NIPBL: variants seen among roughly 807,000 people sequenced by gnomAD.
NIPBL encodes nipped-B-like protein.
Under a neutral mutation model 321.8 loss-of-function variants are expected in NIPBL, and 19 were observed. The observed-to-expected ratio is 0.06, with a 90% CI of 0.04 to 0.09. The LOEUF (loss-of-function observed/expected upper bound fraction) is 0.09, where lower values mean the gene tolerates loss of function less well. Among genes scored for constraint, NIPBL ranks in the 10% least tolerant of loss-of-function variants. The probability of loss-of-function intolerance (pLI) is 1.00; values close to 1 mark genes in which losing one functional copy is unlikely to be tolerated. For missense variants in NIPBL, 2,210 were observed against 3,327.0 expected, an observed-to-expected ratio of 0.66 and a Z score of 8.26; for synonymous variants, 1,106 against 1,114.1, an observed-to-expected ratio of 0.99 and a Z score of 0.14.
chr5:36,933,669 T>G (rs1407322761), intron 1 of NIPBL, among the ~76,000 whole-genome samples: 16 of 152,148 alleles, frequency 1.1e-4, no homozygotes, highest in Admixed American at 1.0e-3. Context: ...CTGTATGGTT[T>G]CAGACACCAG....
At chr5:37,022,017 A>G in intron 27 of NIPBL, 34 bp from the exon 28 acceptor site, 1 of 1,550,770 alleles carries the variant, frequency 6.4e-7, no homozygotes, top group Non-Finnish European at 8.9e-7. Flanking sequence ...TATGTATTCT[A>G]AAATTTACAA....
Position 37,042,290 on chromosome 5 carries a change from C to T in NIPBL, c.6109-2057C>T, listed in dbSNP as rs1194390245. On this transcript the variant is annotated intron_variant, in intron 34 of 46. Coordinates refer to ENST00000282516, the MANE Select transcript of NIPBL (RefSeq NM_133433.4). The stretch of plus-strand genomic sequence containing the variant: ...TCTCTACTAAAAATACAAAAATTAG[C>T]CAAGCATGGTGGTGCGCACCTATAG... Among the ~76,000 whole-genome samples the T allele has an allele frequency of 2.6e-5, 4 of 151,144 alleles. No individual in the cohort carries two copies. The East Asian group carries it at 7.9e-4, about 30-fold the overall frequency.
chr5:36,908,936 AGC>A (rs1747845960), intron 1 of NIPBL, among the ~76,000 whole-genome samples: 1 of 152,236 alleles, frequency 6.6e-6, no homozygotes, highest in African/African-American at 2.4e-5. Context: ...TACTTTACAG[AGC>A]TATTATTTTA....
At position 37,014,772 on chromosome 5, in the gene NIPBL, A is replaced by T; in HGVS notation, c.4643+7A>T. The T allele has an allele frequency of 6.6e-7, 1 of 1,522,866 alleles. No individual in the cohort carries two copies. The highest frequency in any genetic ancestry group is 9.1e-7 in the Non-Finnish European group (1 of 1,096,910). 94.3% of individuals were successfully genotyped at this position (1,522,866 alleles called of 1,614,324 possible). ...TCTCCATCTTCCTTAAAAAGTGAGT[A>T]AAATTAATATAAATCTGGTTTTTCT... On this transcript the variant is annotated splice_region_variant and intron_variant, in intron 22 of 46. Coordinates refer to ENST00000282516, the MANE Select transcript of NIPBL (RefSeq NM_133433.4).
intron 34 of NIPBL, 113 bp downstream of exon 34, chr5:37,038,851 CT>C: frequency 9.5e-7 from 1 of 1,057,422 alleles, no homozygotes; most frequent in Non-Finnish European, 1.4e-6. Flanking sequence ...GTGTCATTTA[CT>C]TAGATATATG....
intron 1 of NIPBL, among the ~76,000 whole-genome samples, chr5:36,907,403 C>T (rs1477584181): frequency 6.6e-6 from 1 of 151,298 alleles, no homozygotes; most frequent in Non-Finnish European, 1.5e-5. Context: ...TTCAGATAAG[C>T]AAAAAGAAGA....
At chr5:37,042,235 G>GACCA (rs1479488255) in intron 34 of NIPBL, among the ~76,000 whole-genome samples, 1 of 151,562 alleles carries the variant, frequency 6.6e-6, no homozygotes, top group Non-Finnish European at 1.5e-5. Flanking sequence ...AGGAGTTCAA[G>GACCA]ACCAGCCTGG....
Position 37,027,363 on chromosome 5 carries a change from C to A in NIPBL, c.5813C>A (p.Ala1938Glu). 3 of 1,610,332 alleles carry A rather than the reference C, an allele frequency of 1.9e-6. No homozygotes were observed. The highest frequency in any genetic ancestry group is 1.7e-6 in the Non-Finnish European group (2 of 1,176,736). ...RKILNITDVV[A>E]ACRDTGYDWF... ...GATTCTTTTCATCACCCTTAGGTTG[C>A]AGCATGCAGAGATACTGGATATGAC... The change falls in exon 32 of 47, where the codon GCA (alanine) becomes GAA (glutamate). Residue 1938 changes from alanine to glutamate, a missense_variant. Physicochemically the swap from Ala to Glu is moderately radical, Grantham distance 107. Around this residue, in one of 14 missense-constraint regions of NIPBL, gnomAD observed 69 missense variants for 100.8 expected, o/e 0.68. Transcript: ENST00000282516.
At chr5:36,881,921 TAGAA>T (rs1229693594) in intron 1 of NIPBL, among the ~76,000 whole-genome samples, 7 of 152,010 alleles carry the variant, frequency 4.6e-5, no homozygotes, top group African/African-American at 1.2e-4. Flanking sequence ...CATCTGTTGT[TAGAA>T]AGACAAAGTT....
chr5:37,043,998 C>T (rs979284016), intron 34 of NIPBL, among the ~76,000 whole-genome samples: 4 of 152,154 alleles, frequency 2.6e-5, no homozygotes, highest in Non-Finnish European at 4.4e-5. Flanking sequence ...GGTTAACATA[C>T]ACAGTTTGGA....
intron 1 of NIPBL, among the ~76,000 whole-genome samples, chr5:36,882,348 G>A (rs1167278433): frequency 6.6e-6 from 1 of 151,848 alleles, no homozygotes; most frequent in Admixed American, 6.6e-5. Context: ...GACAGAAACT[G>A]TGCGAGGGAA....
At chr5:36,894,681 T>A (rs1362173214) in intron 1 of NIPBL, among the ~76,000 whole-genome samples, 1 of 152,224 alleles carries the variant, frequency 6.6e-6, no homozygotes, top group Non-Finnish European at 1.5e-5. Flanking sequence ...GTCAGAATCC[T>A]CTGTGGATTA....
At chr5:37,033,726 ATATATT>A (rs1561189901) in intron 32 of NIPBL, among the ~76,000 whole-genome samples, 1 of 79,100 alleles carries the variant, frequency 1.3e-5, no homozygotes, top group African/African-American at 5.4e-5. Context: ...ATATATATAT[ATATATT>A]TTTTTTTTTT....
At chr5:37,027,642 G>A (rs1455957376) in intron 32 of NIPBL, among the ~76,000 whole-genome samples, 1 of 113,342 alleles carries the variant, frequency 8.8e-6, no homozygotes, top group African/African-American at 3.5e-5. Flanking sequence ...GTGGAGTCTC[G>A]CTCTCTCACT....
chr5:37,024,813 C>T (rs1750069033), intron 30 of NIPBL, 94 bp downstream of exon 30: 2 of 956,690 alleles, frequency 2.1e-6, no homozygotes, highest in Non-Finnish European at 3.2e-6. Context: ...TATATCCAAA[C>T]ACTTTACAAT....
In NIPBL at chr5:37,020,684, A is replaced by G; in HGVS notation, c.5225+11A>G. 1.2e-6 allele frequency: 2 copies of G among 1,609,514 alleles called. No homozygotes were observed. The highest frequency in any genetic ancestry group is 1.3e-5 in the African/African-American group (1 of 74,982). On this transcript the variant is annotated intron_variant, in intron 26 of 46. Coordinates refer to ENST00000282516, the MANE Select transcript of NIPBL (RefSeq NM_133433.4). Reference sequence around the variant, plus strand: ...GTTTAGCACATTAAAGTAAGATCCAAGGAGAAAACAGTTTACATTTATCTC... The same window carrying G: ...GTTTAGCACATTAAAGTAAGATCCAGGGAGAAAACAGTTTACATTTATCTC...
chr5:37,006,262 C>T, intron 16 of NIPBL, 95 bp from the exon 17 acceptor site: 1 of 758,706 alleles, frequency 1.3e-6, no homozygotes, highest in Non-Finnish European at 2.3e-6. Flanking sequence ...CATCATAACA[C>T]TTTTCCACCA....
At chr5:36,949,258 C>T (rs1457509909) in intron 1 of NIPBL, among the ~76,000 whole-genome samples, 2 of 151,818 alleles carry the variant, frequency 1.3e-5, no homozygotes, top group Admixed American at 1.3e-4. Context: ...TATTTTTCTT[C>T]TTGGCTATAT....
At chr5:36,902,063 G>T (rs914470202) in intron 1 of NIPBL, among the ~76,000 whole-genome samples, 1 of 151,940 alleles carries the variant, frequency 6.6e-6, no homozygotes, top group African/African-American at 2.4e-5. Context: ...TTTCTTTTGA[G>T]AAGTGTCTGT....
Sources: allele counts gnomAD v4.1 joint callset (sites outside exome capture counted in the v4.1 genomes callset), GRCh38; gene constraint gnomAD v4.1.1; regional missense constraint gnomAD v4.1.1; transcripts MANE v1.5; gene names NCBI Gene and HGNC (gene_info 2026-07-23, HGNC 2026-07-21).